ARAP2: variants seen among roughly 807,000 people sequenced by gnomAD.
ARAP2 encodes the protein ArfGAP with RhoGAP domain, ankyrin repeat and PH domain 2, also known as arf-GAP with Rho-GAP domain, ANK repeat and PH domain-containing protein 2.
A neutral mutation model predicts 194.5 loss-of-function variants in ARAP2; 148 were observed. The ratio of observed to expected loss-of-function variants is 0.76; its 90% CI spans 0.67 to 0.87. ARAP2 has a LOEUF of 0.87. Ranked by LOEUF, ARAP2 falls within the 40% of genes least tolerant of loss-of-function variation. The probability of loss-of-function intolerance (pLI) is 0.00; values close to 1 mark genes in which losing one functional copy is unlikely to be tolerated. For missense variants in ARAP2, 2,128 were observed against 1,989.7 expected, an observed-to-expected ratio of 1.07 and a Z score of -1.32; for synonymous variants, 695 against 683.5, an observed-to-expected ratio of 1.02 and a Z score of -0.26.
chr4:36,086,433 G>T (rs1276302643), intron 28 of ARAP2, among the ~76,000 whole-genome samples: 1 of 152,096 alleles, frequency 6.6e-6, no homozygotes. Flanking sequence ...GATATAATTT[G>T]AGAGGAGATC....
At chr4:36,122,000 A>G (rs912074516) in intron 22 of ARAP2, among the ~76,000 whole-genome samples, 26 of 151,830 alleles carry the variant, frequency 1.7e-4, no homozygotes, top group African/African-American at 6.3e-4. Context: ...GTCTTAAAAG[A>G]GTTGTTAAAC....
At chr4:36,107,761 TA>T (rs1451057981) in intron 26 of ARAP2, 68 bp from the exon 27 acceptor site, 19 of 1,452,876 alleles carry the variant, frequency 1.3e-5, no homozygotes, top group Non-Finnish European at 1.7e-5. Flanking sequence ...TTTATAATCA[TA>T]AATTTTAAAA....
intron 15 of ARAP2, among the ~76,000 whole-genome samples, chr4:36,156,635 T>C (rs1374970020): frequency 6.6e-6 from 1 of 152,150 alleles, no homozygotes; most frequent in Non-Finnish European, 1.5e-5. Flanking sequence ...GTCAGGATGG[T>C]GACTGTGGCT....
At chr4:36,233,033 T>C (rs938700132) in intron 1 of ARAP2, among the ~76,000 whole-genome samples, 2 of 152,172 alleles carry the variant, frequency 1.3e-5, no homozygotes, top group Non-Finnish European at 2.9e-5. Context: ...GGTTAATGAA[T>C]CTGATTCCTT....
At chr4:36,035,752 T>C (rs978916857) in intron 5 of ARAP2, among the ~76,000 whole-genome samples, 1 of 152,224 alleles carries the variant, frequency 6.6e-6, no homozygotes, top group Non-Finnish European at 1.5e-5. Flanking sequence ...AAAGATGTTC[T>C]ATATTTTCTC....
chr4:36,203,766 G>T (rs1208931596), intron 6 of ARAP2, among the ~76,000 whole-genome samples: 1 of 152,044 alleles, frequency 6.6e-6, no homozygotes, highest in Non-Finnish European at 1.5e-5. Flanking sequence ...AGCCTACGGT[G>T]CTTCCGATCA....
rs895499578 is a variant in ARAP2, at chr4:36,080,154, A to G, written c.4608+62T>C. 35 of 1,387,452 alleles carry G rather than the reference A, an allele frequency of 2.5e-5. 1 individual carries two copies. In the South Asian group the frequency reaches 4.2e-4, roughly 17 times the overall value. 85.9% of individuals were successfully genotyped at this position (1,387,452 alleles called of 1,614,324 possible). A position where few individuals can be genotyped will look rare whatever the true frequency, so the allele number is the denominator to read the frequency against. ...AAAATTCTTTAGAAATCACCATCAC[A>G]CTAACATTTCCTGTAAACAAAGTTA... On this transcript the variant is annotated intron_variant, in intron 31 of 32. Coordinates refer to ENST00000303965, the MANE Select transcript of ARAP2 (RefSeq NM_015230.4).
intron 2 of ARAP2, among the ~76,000 whole-genome samples, chr4:36,223,857 C>T (rs1260017697): frequency 2.6e-5 from 4 of 151,942 alleles, no homozygotes; most frequent in Non-Finnish European, 5.9e-5. Flanking sequence ...TTTTAGTATC[C>T]AGAACGATAA....
chr4:36,048,991 A>G (rs1722251380), intron 3 of ARAP2, among the ~76,000 whole-genome samples: 1 of 152,108 alleles, frequency 6.6e-6, no homozygotes, highest in Non-Finnish European at 1.5e-5. Context: ...TCTAACCGGT[A>G]CCATACTGTG....
intron 5 of ARAP2, among the ~76,000 whole-genome samples, chr4:36,042,910 TTG>T (rs916178863): frequency 5.3e-5 from 8 of 152,102 alleles, no homozygotes; most frequent in African/African-American, 1.9e-4. Flanking sequence ...TGGCACGATC[TTG>T]GCTCATTGCA....
At position 36,147,766 on chromosome 4, in the gene ARAP2, A is replaced by G; in HGVS notation, c.3001-20T>C. ...AAAATGCTGTTAAAACAAATACAAA[A>G]AAGTAATAAAGACAGTGAAAATAGG... On this transcript the variant is annotated intron_variant, in intron 17 of 32. Coordinates refer to ENST00000303965, the MANE Select transcript of ARAP2 (RefSeq NM_015230.4). 1 of 1,570,922 alleles carries G rather than the reference A, an allele frequency of 6.4e-7. No homozygotes were observed. Among genetic ancestry groups the G allele is most frequent in the Non-Finnish European group, 8.6e-7 (1 of 1,157,308 alleles).
intron 2 of ARAP2, among the ~76,000 whole-genome samples, chr4:36,056,131 C>T (rs1723467125): frequency 6.6e-6 from 1 of 152,090 alleles, no homozygotes; most frequent in African/African-American, 2.4e-5. Context: ...TCAATAGGTC[C>T]TGAACTATTT....
At position 36,147,542 on chromosome 4, in the gene ARAP2, TCTTA is replaced by T; in HGVS notation, c.3199+2_3199+5del. ...TCCAAAGATAAGGGAAGAAAAAAGC[TCTTA>T]CTTAGCTCTTGCAGTCTTCTTAAGT... On this transcript the variant is annotated splice_donor_variant and splice_donor_5th_base_variant and intron_variant, in intron 18 of 32. Coordinates refer to ENST00000303965, the MANE Select transcript of ARAP2 (RefSeq NM_015230.4). LOFTEE classifies it high-confidence loss of function. 1.2e-6 allele frequency: 2 copies of T among 1,601,894 alleles called. No individual in the cohort carries two copies. Among genetic ancestry groups the T allele is most frequent in the Non-Finnish European group, 1.7e-6 (2 of 1,176,252 alleles).
intron 5 of ARAP2, among the ~76,000 whole-genome samples, chr4:36,044,375 G>C (rs1046815644): frequency 6.6e-6 from 1 of 152,176 alleles, no homozygotes; most frequent in Non-Finnish European, 1.5e-5. Flanking sequence ...TTGCTATTGA[G>C]ATATTGGGAG....
At chr4:36,047,257 G>A (rs1011153959) in intron 3 of ARAP2, 22 of 152,308 alleles carry the variant, frequency 1.4e-4, no homozygotes, top group African/African-American at 5.1e-4. Flanking sequence ...CAGTGCCTGA[G>A]CAACCAATGC....
At chr4:36,199,198 T>C (rs952525575) in intron 6 of ARAP2, among the ~76,000 whole-genome samples, 3 of 152,246 alleles carry the variant, frequency 2.0e-5, no homozygotes, top group African/African-American at 7.2e-5. Flanking sequence ...CTGCCATCAC[T>C]ACCTTGTTAT....
intron 5 of ARAP2, among the ~76,000 whole-genome samples, chr4:36,036,394 C>T (rs1719926721): frequency 6.6e-6 from 1 of 151,920 alleles, no homozygotes; most frequent in Non-Finnish European, 1.5e-5. Context: ...AGGTTTATTG[C>T]TTTACTTGAT....
At chr4:36,062,008 T>A (rs928715030), downstream of ARAP2, among the ~76,000 whole-genome samples, 2 of 152,228 alleles carry the variant, frequency 1.3e-5, no homozygotes, top group African/African-American at 2.4e-5. Flanking sequence ...GATTTTTTCC[T>A]GTACAATTGT....
At chr4:36,175,473 T>C (rs1275238390) in intron 9 of ARAP2, among the ~76,000 whole-genome samples, 2 of 152,176 alleles carry the variant, frequency 1.3e-5, no homozygotes, top group Admixed American at 1.3e-4. Context: ...AACGGAATGG[T>C]ATGCCAGGGC....
Sources: allele counts gnomAD v4.1 joint callset (sites outside exome capture counted in the v4.1 genomes callset), GRCh38; gene constraint gnomAD v4.1.1; transcripts MANE v1.5; gene names NCBI Gene and HGNC (gene_info 2026-07-23, HGNC 2026-07-21).